Variants in LBX2 observed in about 807,000 individuals in gnomAD.
LBX2 encodes ladybird homeobox 2, also known as transcription factor LBX2.
In LBX2, 6 loss-of-function variants were observed where a neutral mutation model predicts 7.5. That is an observed-to-expected ratio of 0.80 (90% CI 0.44 to 1.59). LBX2 has a LOEUF of 1.59. Ranked by LOEUF, LBX2 falls within the 40% of genes most tolerant of loss-of-function variation. LBX2 has a pLI of 0.01. For synonymous variants in LBX2, 143 were observed against 133.2 expected (o/e 1.07, Z -0.51); for missense variants, 281 against 282.0 (o/e 1.00, Z 0.03).
upstream of LBX2, chr2:74,499,702 G>C (rs1674445213): frequency 1.5e-6 from 1 of 673,864 alleles, no homozygotes. This position sits in a 1 kb window ranked among gnomAD's most constrained non-coding sequence, Gnocchi z 4.6. Flanking sequence ...TCTCCACCCC[G>C]GGCCGCGGTG....
At position 74,499,445 on chromosome 2, in the gene LBX2, C is replaced by T. The variant is rs1262109713; in HGVS notation, c.93G>A (p.Ala31=). The T allele has an allele frequency of 6.4e-7, 1 of 1,550,612 alleles. No homozygotes were observed. The highest frequency in any genetic ancestry group is 1.2e-5 in the South Asian group (1 of 84,062). ...APRMVPRAPS[A]PQLPESGPGP... is the part of the protein sequence containing the mutation. The stretch of plus-strand genomic sequence containing the variant: ...CCGGACCCGACTCTGGAAGCTGCGG[C>T]GCAGAGGGTGCTCGGGGGACCATGC... Residue 31 remains alanine, a synonymous_variant, in exon 1 of 2, where the codon GCG becomes GCA. Coordinates refer to ENST00000377566, the MANE Select transcript of LBX2 (RefSeq NM_001282430.2). This position sits in a 1 kb window ranked among gnomAD's most constrained non-coding sequence, Gnocchi z 4.6.
upstream of LBX2, chr2:74,502,602 A>G: frequency 6.6e-7 from 1 of 1,523,406 alleles, no homozygotes; most frequent in Non-Finnish European, 9.1e-7. The surrounding 1 kb of genome is among the most constrained non-coding windows in gnomAD (Gnocchi z 5.4). Flanking sequence ...CACTTCTGGG[A>G]TTGTTTTCTC....
Position 74,498,116 on chromosome 2 carries a change from C to G in LBX2, c.408G>C (p.Arg136=), listed in dbSNP as rs1338246152. ...CCACATCGCGCTTGAGCTTGGCTCGCCGGTTCTGGAACCAAGTGACCACCT... is the reference window on the plus strand; with the variant it reads ...CCACATCGCGCTTGAGCTTGGCTCGGCGGTTCTGGAACCAAGTGACCACCT... ...NAQVVTWFQN[R]RAKLKRDVEE... Residue 136 remains arginine, a synonymous_variant, in exon 2 of 2, where the codon CGG becomes CGC. Transcript: ENST00000377566. The G allele has an allele frequency of 6.2e-7, 1 of 1,612,666 alleles. No individual in the cohort carries two copies. The highest frequency in any genetic ancestry group is 1.1e-5 in the South Asian group (1 of 90,980).
At chr2:74,498,544 G>C in intron 1 of LBX2, 1 of 564,642 alleles carries the variant, frequency 1.8e-6, no homozygotes, top group East Asian at 3.0e-5. Context: ...AGCAGGCTGA[G>C]GGCATATTGT....
At chr2:74,503,105 C>G (rs1214077434), upstream of LBX2, 3 of 471,288 alleles carry the variant, frequency 6.4e-6, no homozygotes, top group African/African-American at 6.1e-5. The surrounding 1 kb of genome is among the most constrained non-coding windows in gnomAD (Gnocchi z 5.1). Flanking sequence ...GCCACCTCTC[C>G]TTTGACTCAG....
chr2:74,499,595 G>A lies in LBX2; in HGVS notation c.-58C>T. ...TTGCGCTAGGCTCCGCAAACGCCTG[G>A]GCCCCAGTGCTCGGCTCCCAATCCG... On this transcript the variant is annotated 5_prime_UTR_variant, in exon 1 of 2. Coordinates refer to ENST00000377566, the MANE Select transcript of LBX2 (RefSeq NM_001282430.2). The surrounding 1 kb of genome is among the most constrained non-coding windows in gnomAD (Gnocchi z 4.6). 2.0e-6 allele frequency: 3 copies of A among 1,501,458 alleles called. No individual in the cohort carries two copies. Among genetic ancestry groups the A allele is most frequent in the Non-Finnish European group, 2.7e-6 (3 of 1,115,442 alleles). 93.0% of individuals were successfully genotyped at this position (1,501,458 alleles called of 1,614,324 possible). A position where few individuals can be genotyped will look rare whatever the true frequency, so the allele number is the denominator to read the frequency against.
chr2:74,499,302 G>C lies in LBX2; in HGVS notation c.205+31C>G. The C allele has an allele frequency of 6.5e-7, 1 of 1,532,526 alleles. No individual in the cohort carries two copies. Among genetic ancestry groups the C allele is most frequent in the Non-Finnish European group, 8.8e-7 (1 of 1,130,580 alleles). The allele number at this position is 1,532,526 out of a possible 1,614,324, so 94.9% of individuals were successfully genotyped here. A position where few individuals can be genotyped will look rare whatever the true frequency, so the allele number is the denominator to read the frequency against. Reference sequence around the variant, plus strand: ...AGGAGAGAGGTGAGGAAAAGGCTAAGTCAGAGTCCGCGACCTTGCCGGCTC... The same window carrying C: ...AGGAGAGAGGTGAGGAAAAGGCTAACTCAGAGTCCGCGACCTTGCCGGCTC... On this transcript the variant is annotated intron_variant, in intron 1 of 1. Transcript: ENST00000377566. The surrounding 1 kb of genome is among the most constrained non-coding windows in gnomAD (Gnocchi z 4.6).
At chr2:74,499,848 A>G (rs1158072701), upstream of LBX2, 2 of 415,254 alleles carry the variant, frequency 4.8e-6, no homozygotes. This position sits in a 1 kb window ranked among gnomAD's most constrained non-coding sequence, Gnocchi z 4.6. Flanking sequence ...CACCGTGCAC[A>G]GTCAGGCCGG....
In LBX2 at chr2:74,498,143, C is replaced by T. The variant is rs1362190147; in HGVS notation, c.381G>A (p.Ala127=). 1 of 1,611,840 alleles carries T rather than the reference C, an allele frequency of 6.2e-7. No homozygotes were observed. The highest frequency in any genetic ancestry group is 1.3e-5 in the African/African-American group (1 of 75,040). The stretch of plus-strand genomic sequence containing the variant: ...GGTTCTGGAACCAAGTGACCACCTG[C>T]GCGTTGGCCAGGCCGAGTCGCGTAG... The part of the protein sequence containing the change: ...GLATRLGLAN[A]QVVTWFQNRR... Residue 127 remains alanine, a synonymous_variant, in exon 2 of 2, where the codon GCG becomes GCA. Transcript: ENST00000377566.
In LBX2 at chr2:74,497,910, T is replaced by G. The variant is rs1169741863; in HGVS notation, c.*17A>C. The G allele has an allele frequency of 6.5e-7, 1 of 1,531,810 alleles. No individual in the cohort carries two copies. The highest frequency in any genetic ancestry group is 8.8e-7 in the Non-Finnish European group (1 of 1,137,486). 94.9% of individuals were successfully genotyped at this position (1,531,810 alleles called of 1,614,324 possible). A position where few individuals can be genotyped will look rare whatever the true frequency, so the allele number is the denominator to read the frequency against. Reference sequence around the variant, plus strand: ...AGTCCAGGGCCCCAGAGCCCAGGATTGGCGGCGGCTTTGTCTTCAATCGTC... The same window carrying G: ...AGTCCAGGGCCCCAGAGCCCAGGATGGGCGGCGGCTTTGTCTTCAATCGTC... On this transcript the variant is annotated 3_prime_UTR_variant, in exon 2 of 2. Coordinates refer to ENST00000377566, the MANE Select transcript of LBX2 (RefSeq NM_001282430.2).
upstream of LBX2, chr2:74,502,550 C>T (rs1674516325): frequency 9.4e-7 from 1 of 1,062,996 alleles, no homozygotes; most frequent in Admixed American, 2.2e-5. The surrounding 1 kb of genome is among the most constrained non-coding windows in gnomAD (Gnocchi z 5.4). Context: ...GGAGCAAAGT[C>T]CAGGCGGAGG....
At chr2:74,501,876 C>T (rs76743608), upstream of LBX2, 2,594 of 152,052 alleles carry the variant, frequency 0.017, 26 homozygotes, top group Non-Finnish European at 0.026. Flanking sequence ...GACACTCACT[C>T]GGCTGTCCTA....
At chr2:74,502,841 G>A, upstream of LBX2, 2 of 1,605,448 alleles carry the variant, frequency 1.2e-6, no homozygotes, top group Non-Finnish European at 1.7e-6. This position sits in a 1 kb window ranked among gnomAD's most constrained non-coding sequence, Gnocchi z 5.4. Flanking sequence ...CTCACTTCTA[G>A]GGAAGTCCTT....
upstream of LBX2, chr2:74,501,570 T>C (rs1674484893): frequency 1.3e-5 from 2 of 152,308 alleles, no homozygotes; most frequent in South Asian, 4.1e-4. Context: ...TCCCGCCTAG[T>C]TCTCCCCTCT....
At chr2:74,498,996 C>G in intron 1 of LBX2, 1 of 362,956 alleles carries the variant, frequency 2.8e-6, no homozygotes, top group Non-Finnish European at 5.0e-6. Context: ...CAGGCTCACT[C>G]GTTTACCGCC....
chr2:74,497,949 T>C lies in LBX2; in HGVS notation c.575A>G (p.Glu192Gly). Residue 192 changes from glutamate (E) to glycine (G), a missense_variant, in exon 2 of 2, where the codon GAG becomes GGG. Physicochemically the swap from Glu to Gly is moderately conservative, Grantham distance 98 (BLOSUM62 -2). Coordinates refer to ENST00000377566, the MANE Select transcript of LBX2 (RefSeq NM_001282430.2). ...GPDSRPHLSDEEIQVDD is the reference protein window; with the variant it reads ...GPDSRPHLSDGEIQVDD The stretch of plus-strand genomic sequence containing the variant: ...TCTTCAATCGTCCACCTGTATCTCC[T>C]CGTCTGACAGGTGGGGCCGGGAGTC... The C allele has an allele frequency of 6.3e-7, 1 of 1,590,212 alleles. No individual in the cohort carries two copies. The highest frequency in any genetic ancestry group is 8.6e-7 in the Non-Finnish European group (1 of 1,165,936).
In LBX2 at chr2:74,498,020, G is replaced by C. The variant is rs773918352; in HGVS notation, c.504C>G (p.Pro168=). Residue 168 remains proline (P), a synonymous_variant, in exon 2 of 2, where the codon CCC becomes CCG. Coordinates refer to ENST00000377566, the MANE Select transcript of LBX2 (RefSeq NM_001282430.2). ...SPEVLCSLAL[P]EGAPDPGLCL... ...AGAGGCCGGGATCTGGAGCGCCTTC[G>C]GGCAGTGCTAAGCTGCACAGGACTT... 4 of 1,612,446 alleles carry C rather than the reference G, an allele frequency of 2.5e-6. No homozygotes were observed. The highest frequency in any genetic ancestry group is 3.4e-6 in the Non-Finnish European group (4 of 1,178,996).
chr2:74,502,324 G>A, upstream of LBX2: 1 of 300,538 alleles, frequency 3.3e-6, no homozygotes, highest in Admixed American at 5.0e-5. This position sits in a 1 kb window ranked among gnomAD's most constrained non-coding sequence, Gnocchi z 5.4. Flanking sequence ...TTCCCCACTG[G>A]TGGCACGGAG....
At chr2:74,499,623 C>T (rs1051388335), upstream of LBX2, 64 of 1,399,120 alleles carry the variant, frequency 4.6e-5, no homozygotes, top group Admixed American at 1.4e-3. The surrounding 1 kb of genome is among the most constrained non-coding windows in gnomAD (Gnocchi z 4.6). Context: ...CCAATCCGGG[C>T]CCCCAGCCTC....
Sources: allele counts gnomAD v4.1 joint callset, GRCh38; gene constraint gnomAD v4.1.1; non-coding constraint Gnocchi (gnomAD v3.1); transcripts MANE v1.5; gene names NCBI Gene and HGNC (gene_info 2026-07-23, HGNC 2026-07-21).